Variants in FHAD1 observed in about 807,000 individuals in gnomAD.
FHAD1 encodes forkhead associated phosphopeptide binding domain 1, also known as forkhead-associated domain-containing protein 1.
In FHAD1, 146 loss-of-function variants were observed where a neutral mutation model predicts 191.3. The ratio of observed to expected loss-of-function variants is 0.76; its 90% CI spans 0.67 to 0.88. FHAD1 has a LOEUF of 0.88. Among genes scored for constraint, FHAD1 ranks in the 40% least tolerant of loss-of-function variants. FHAD1 has a pLI of 0.00. For synonymous variants in FHAD1, 616 were observed against 672.3 expected, an observed-to-expected ratio of 0.92 and a Z score of 1.29; for missense variants, 1,635 against 1,785.8, an observed-to-expected ratio of 0.92 and a Z score of 1.52.
At chr1:15,394,936 T>G (rs1705420496) in intron 33 of FHAD1, among the ~76,000 whole-genome samples, 1 of 152,050 alleles carries the variant, frequency 6.6e-6, no homozygotes, top group South Asian at 2.1e-4. Flanking sequence ...AGAGAGATCT[T>G]GGGTTGCAGT....
chr1:15,402,992 A>C (rs1238920063), downstream of FHAD1: 1 of 152,206 alleles, frequency 6.6e-6, no homozygotes, highest in East Asian at 1.9e-4. Context: ...GTTTCAATAA[A>C]ACTTTATTTA....
Position 15,365,832 on chromosome 1 carries a change from A to C in FHAD1, c.3053A>C (p.Asp1018Ala). 6.5e-7 allele frequency: 1 copy of C among 1,549,146 alleles called. No homozygotes were observed. Among genetic ancestry groups the C allele is most frequent in the African/African-American group, 1.4e-5 (1 of 73,034 alleles). The change falls in exon 24 of 34, where the codon GAC (aspartate) becomes GCC (alanine). Residue 1018 changes from aspartate to alanine, a missense_variant. Asp to Ala is a moderately radical substitution (Grantham distance 126, BLOSUM62 -2). Coordinates refer to ENST00000688493, the MANE Select transcript of FHAD1 (RefSeq NM_001391957.1). ...CCTGTTTTTGTGAATTTCAGAGATGACTTATTGGCTGCTCAGAAGGAAATT... is the reference window on the plus strand; with the variant it reads ...CCTGTTTTTGTGAATTTCAGAGATGCCTTATTGGCTGCTCAGAAGGAAATT... ...KDMAYEHLID[D>A]LLAAQKEILS...
chr1:15,341,662 G>A (rs535216534), intron 15 of FHAD1, 74 bp from the exon 16 acceptor site: 3 of 1,308,054 alleles, frequency 2.3e-6, no homozygotes, highest in South Asian at 1.6e-5. Context: ...TAAACAATTG[G>A]TAAACAAATG....
chr1:15,394,983 G>T (rs1020547163), intron 33 of FHAD1, among the ~76,000 whole-genome samples: 1 of 152,078 alleles, frequency 6.6e-6, no homozygotes, highest in African/African-American at 2.4e-5. Context: ...CAGGGCGGGG[G>T]GCTTTTATAA....
intron 1 of FHAD1, among the ~76,000 whole-genome samples, chr1:15,249,844 G>T (rs576767850): frequency 1.3e-5 from 2 of 151,994 alleles, no homozygotes; most frequent in Non-Finnish European, 2.9e-5. Flanking sequence ...GGTGTGAAAA[G>T]TTGAGCTGCC....
chr1:15,322,955 G>A (rs1430896507), intron 10 of FHAD1, among the ~76,000 whole-genome samples: 4 of 152,114 alleles, frequency 2.6e-5, no homozygotes, highest in Admixed American at 2.6e-4. Flanking sequence ...GGAGGCGAAA[G>A]GCACTTCTTA....
At chr1:15,374,709 C>T in intron 27 of FHAD1, 78 bp downstream of exon 27, 4 of 1,515,960 alleles carry the variant, frequency 2.6e-6, no homozygotes, top group South Asian at 1.2e-5. Flanking sequence ...TTTGCCAGGA[C>T]TACCATGTTT....
chr1:15,401,332 G>A (rs1340980069), downstream of FHAD1, among the ~76,000 whole-genome samples: 1 of 152,150 alleles, frequency 6.6e-6, no homozygotes, highest in Non-Finnish European at 1.5e-5. Flanking sequence ...CATTTACTAC[G>A]ACGCTCTGCT....
chr1:15,367,784 T>A (rs1182600648), intron 25 of FHAD1, among the ~76,000 whole-genome samples, 162 bp downstream of exon 25: 1 of 152,062 alleles, frequency 6.6e-6, no homozygotes, highest in Admixed American at 6.6e-5. Flanking sequence ...AACTTCCTTG[T>A]CCAATATTCC....
intron 14 of FHAD1, among the ~76,000 whole-genome samples, chr1:15,331,170 A>G (rs1173635345): frequency 6.6e-6 from 1 of 152,012 alleles, no homozygotes; most frequent in Non-Finnish European, 1.5e-5. Flanking sequence ...CCCAGGTTTG[A>G]GGGGGAAGAG....
intron 29 of FHAD1, among the ~76,000 whole-genome samples, 163 bp downstream of exon 29, chr1:15,380,959 T>C (rs1298694896): frequency 6.6e-6 from 1 of 152,198 alleles, no homozygotes; most frequent in African/African-American, 2.4e-5. Flanking sequence ...AGGAATCACA[T>C]AGCCAAATTC....
At chr1:15,372,529 G>C (rs1286724227) in intron 26 of FHAD1, among the ~76,000 whole-genome samples, 1 of 151,790 alleles carries the variant, frequency 6.6e-6, no homozygotes, top group African/African-American at 2.4e-5. Context: ...ACAGCAGCAA[G>C]GGCTGGTCTG....
rs550340359 is a variant in FHAD1, at chr1:15,367,421, G to A, written c.3155-42G>A. 1.2e-4 allele frequency: 180 copies of A among 1,538,374 alleles called. 1 individual carries two copies. In the East Asian group the frequency reaches 2.3e-3, roughly 20 times the overall value. ...TGAGGCAGGAGAATCACTTGAACCC[G>A]GGAGGCAGAGACCCCCTTACCGGCC... On this transcript the variant is annotated intron_variant, in intron 24 of 33. Coordinates refer to ENST00000688493, the MANE Select transcript of FHAD1 (RefSeq NM_001391957.1).
intron 2 of FHAD1, among the ~76,000 whole-genome samples, chr1:15,260,760 C>T (rs1650648404): frequency 6.6e-6 from 1 of 152,256 alleles, no homozygotes; most frequent in South Asian, 2.1e-4. Context: ...ATCTCTCCAA[C>T]TCCAGCCAGA....
Position 15,341,904 on chromosome 1 carries a change from C to T in FHAD1, c.2130+16C>T. The T allele has an allele frequency of 6.5e-7, 1 of 1,548,760 alleles. No individual in the cohort carries two copies. Among genetic ancestry groups the T allele is most frequent in the South Asian group, 1.2e-5 (1 of 83,678 alleles). The stretch of plus-strand genomic sequence containing the variant: ...AGAGAAGGCGGTAAGGTGGTCCCTG[C>T]CATTTGCTTTACTACTGGAAACTGA... On this transcript the variant is annotated intron_variant, in intron 16 of 33. Coordinates refer to ENST00000688493, the MANE Select transcript of FHAD1 (RefSeq NM_001391957.1).
chr1:15,308,567 C>T (rs969004829), intron 6 of FHAD1, 46 bp from the exon 7 acceptor site: 1 of 1,548,136 alleles, frequency 6.5e-7, no homozygotes, highest in Non-Finnish European at 8.7e-7. Flanking sequence ...GTGTGTCTCC[C>T]AGACGTGGGC....
intron 2 of FHAD1, among the ~76,000 whole-genome samples, chr1:15,264,173 C>T (rs760867815): frequency 9.2e-5 from 14 of 152,078 alleles, no homozygotes; most frequent in Non-Finnish European, 1.8e-4. Flanking sequence ...GAAAAAAGAA[C>T]ACCATTGGAA....
chr1:15,345,241 A>G, intron 17 of FHAD1, 51 bp downstream of exon 17: 1 of 1,484,808 alleles, frequency 6.7e-7, no homozygotes, highest in Admixed American at 2.0e-5. Flanking sequence ...GCAGCTAGGA[A>G]GGGTGGATCT....
chr1:15,367,647 G>C, intron 25 of FHAD1, 25 bp downstream of exon 25: 1 of 1,498,470 alleles, frequency 6.7e-7, no homozygotes, highest in Non-Finnish European at 9.0e-7. Flanking sequence ...GGCCGGGTTG[G>C]GGGGATGGTT....
Sources: gnomAD v4.1 joint callset for allele counts (sites outside exome capture counted in the v4.1 genomes callset) on GRCh38, gnomAD v4.1.1 for gene constraint, MANE v1.5 for transcripts, NCBI Gene and HGNC (gene_info 2026-07-23, HGNC 2026-07-21) for gene names.